Variants in THSD4 observed in about 807,000 individuals in gnomAD.
The protein encoded by THSD4 is thrombospondin type 1 domain containing 4.
A neutral mutation model predicts 119.0 loss-of-function variants in THSD4; 69 were observed. That is an observed-to-expected ratio of 0.58 (90% CI 0.48 to 0.71). The LOEUF (loss-of-function observed/expected upper bound fraction) is 0.71, where lower values mean the gene tolerates loss of function less well. Among genes scored for constraint, THSD4 ranks in the 30% least tolerant of loss-of-function variants. THSD4 has a pLI of 0.00. For synonymous variants in THSD4, 524 were observed against 540.4 expected, an observed-to-expected ratio of 0.97 and a Z score of 0.42; for missense variants, 1,393 against 1,391.1, an observed-to-expected ratio of 1.00 and a Z score of -0.02.
At chr15:71,111,830 A>T, upstream of THSD4, 1 of 530,100 alleles carries the variant, frequency 1.9e-6, no homozygotes, top group Middle Eastern at 4.8e-4. Flanking sequence ...CGAGGTTTGT[A>T]AGAGCTGAGA....
At position 71,466,174 on chromosome 15, in the gene THSD4, C is replaced by G. The variant is rs565709995; in HGVS notation, c.1152+54351C>G. Among the ~76,000 whole-genome samples the G allele has an allele frequency of 1.9e-3, 290 of 151,872 alleles. 17 individuals carry two copies. In the South Asian group the frequency reaches 0.059, roughly 31 times the overall value. ...ACCATCCTGGCTAACATGGTGAAAC[C>G]CTGTCTCTACTAAAAATACAAAAAA... is the stretch of plus-strand genomic sequence containing the variant. On this transcript the variant is annotated intron_variant, in intron 7 of 17. Coordinates refer to ENST00000261862, the MANE Select transcript of THSD4 (RefSeq NM_024817.3).
At chr15:71,752,485 A>G (rs1329019034) in intron 14 of THSD4, among the ~76,000 whole-genome samples, 1 of 152,226 alleles carries the variant, frequency 6.6e-6, no homozygotes, top group Admixed American at 6.5e-5. Flanking sequence ...TGGTGTAAGT[A>G]AATAATTTTT....
chr15:71,103,426 A>G (rs1046985481), intron 1 of THSD4, among the ~76,000 whole-genome samples: 2 of 151,984 alleles, frequency 1.3e-5, no homozygotes, highest in African/African-American at 4.8e-5. Context: ...AGTTTGTGGG[A>G]TTTCTGACTT....
chr15:71,530,382 G>A (rs1228545683), intron 7 of THSD4, among the ~76,000 whole-genome samples: 2 of 152,122 alleles, frequency 1.3e-5, no homozygotes, highest in African/African-American at 4.8e-5. Flanking sequence ...GGAGAAAGCG[G>A]GGAGGAAGGA....
chr15:71,732,372 A>G (rs557009696), intron 10 of THSD4: 1 of 152,190 alleles, frequency 6.6e-6, no homozygotes, highest in Non-Finnish European at 1.5e-5. Flanking sequence ...GGCTCTGCTT[A>G]TGGACAGAGC....
At chr15:71,750,942 G>A (rs2053436825) in intron 14 of THSD4, among the ~76,000 whole-genome samples, 1 of 152,216 alleles carries the variant, frequency 6.6e-6, no homozygotes, top group Admixed American at 6.5e-5. Context: ...CCTCTGCAGT[G>A]CCCCTGACAT....
chr15:71,104,632 G>C (rs2040266793), intron 1 of THSD4, among the ~76,000 whole-genome samples: 1 of 152,186 alleles, frequency 6.6e-6, no homozygotes, highest in Non-Finnish European at 1.5e-5. Flanking sequence ...ATTACAGTTT[G>C]GTTGTATAAA....
intron 4 of THSD4, among the ~76,000 whole-genome samples, chr15:71,237,836 G>C (rs2044117964): frequency 6.6e-6 from 1 of 152,130 alleles, no homozygotes; most frequent in Non-Finnish European, 1.5e-5. Flanking sequence ...TGACTGCTTA[G>C]CATTATCTTT....
rs543674365 is a variant in THSD4 at position 71,251,699 on chromosome 15, C to T, written c.913-4914C>T. Reference sequence around the variant, plus strand: ...CCTTCAAGGTCATGTTCCTTGGCACCGCTACATTGGAGATGATGCTGTCCG... The same window carrying T: ...CCTTCAAGGTCATGTTCCTTGGCACTGCTACATTGGAGATGATGCTGTCCG... On this transcript the variant is annotated intron_variant, in intron 5 of 17. Transcript: ENST00000261862. Among the ~76,000 whole-genome samples the T allele has an allele frequency of 5.3e-5, 8 of 152,252 alleles. No individual in the cohort carries two copies. In the South Asian group the frequency reaches 1.0e-3, roughly 20 times the overall value.
chr15:71,222,580 T>C (rs2140256586), intron 4 of THSD4, among the ~76,000 whole-genome samples: 1 of 152,316 alleles, frequency 6.6e-6, no homozygotes, highest in Non-Finnish European at 1.5e-5. Flanking sequence ...CTGTTCCCAC[T>C]GAGGGGAGTG....
At chr15:71,251,699 C>A (rs543674365) in intron 5 of THSD4, among the ~76,000 whole-genome samples, 2 of 152,134 alleles carry the variant, frequency 1.3e-5, no homozygotes, top group African/African-American at 4.8e-5. Context: ...TCCTTGGCAC[C>A]GCTACATTGG....
At chr15:71,255,655 A>T (rs1238997667) in intron 5 of THSD4, among the ~76,000 whole-genome samples, 7 of 152,208 alleles carry the variant, frequency 4.6e-5, no homozygotes, top group Non-Finnish European at 7.3e-5. Flanking sequence ...TTTAGAGAAG[A>T]TGGGGCGGAC....
intron 7 of THSD4, among the ~76,000 whole-genome samples, chr15:71,506,705 C>A (rs899177462): frequency 2.6e-5 from 4 of 151,202 alleles, no homozygotes; most frequent in African/African-American, 9.8e-5. Flanking sequence ...CCACCACTTA[C>A]GGCGGCCTGA....
chr15:71,234,675 G>A (rs1302906419), intron 4 of THSD4, among the ~76,000 whole-genome samples: 1 of 152,198 alleles, frequency 6.6e-6, no homozygotes, highest in African/African-American at 2.4e-5. Flanking sequence ...TGTAGTGTAA[G>A]CTCTACCTCT....
rs373480009 is a variant in THSD4 at position 71,239,570 on chromosome 15, A to G, written c.465-3079A>G. 1.5e-3 allele frequency among the ~76,000 whole-genome samples: 233 copies of G among 152,346 alleles called. 12 individuals carry two copies. The South Asian group carries it at 0.047, about 31-fold the overall frequency. On this transcript the variant is annotated intron_variant, in intron 4 of 17. Coordinates refer to ENST00000261862, the MANE Select transcript of THSD4 (RefSeq NM_024817.3). ...CTTTTCCATTTCTTTCTCAAGACATAACTTTCAGAAATTAGCCAGTGCTTT... is the reference window on the plus strand; with the variant it reads ...CTTTTCCATTTCTTTCTCAAGACATGACTTTCAGAAATTAGCCAGTGCTTT...
intron 4 of THSD4, among the ~76,000 whole-genome samples, chr15:71,237,581 G>A (rs2044115778): frequency 6.6e-6 from 1 of 152,160 alleles, no homozygotes; most frequent in Non-Finnish European, 1.5e-5. Flanking sequence ...TGAAGCAGAG[G>A]CCTGTGCTAG....
At chr15:71,248,194 T>C (rs1328015357) in intron 5 of THSD4, among the ~76,000 whole-genome samples, 1 of 152,058 alleles carries the variant, frequency 6.6e-6, no homozygotes, top group Non-Finnish European at 1.5e-5. Context: ...GGCAGGAGGA[T>C]TGTTTGAGCC....
chr15:71,750,831 C>T (rs2053434362), intron 14 of THSD4, among the ~76,000 whole-genome samples: 1 of 152,202 alleles, frequency 6.6e-6, no homozygotes, highest in East Asian at 1.9e-4. Flanking sequence ...TCGGTGTATC[C>T]CTATTTTCCA....
chr15:71,383,896 C>T (rs7170506), intron 6 of THSD4, among the ~76,000 whole-genome samples: 15,033 of 152,154 alleles, frequency 0.099, 888 homozygotes, highest in Middle Eastern at 0.18. Context: ...CGCCGTTTTA[C>T]ATAGGAGACT....
Sources: gnomAD v4.1 joint callset for allele counts (sites outside exome capture counted in the v4.1 genomes callset) on GRCh38, gnomAD v4.1.1 for gene constraint, MANE v1.5 for transcripts, NCBI Gene and HGNC (gene_info 2026-07-23, HGNC 2026-07-21) for gene names.